The following ROBO1 variants were observed in gnomAD, a reference collection of about 807,000 sequenced individuals.
The protein encoded by ROBO1 is roundabout homolog 1.
A neutral mutation model predicts 195.9 loss-of-function variants in ROBO1; 149 were observed. The ratio of observed to expected loss-of-function variants is 0.76; its 90% CI spans 0.67 to 0.87. The LOEUF (loss-of-function observed/expected upper bound fraction) is 0.87. ROBO1 is among the 40% of genes least tolerant of loss of function. ROBO1 has a pLI of 0.00. For synonymous variants in ROBO1, 816 were observed against 733.2 expected, an observed-to-expected ratio of 1.11 and a Z score of -1.82; for missense variants, 1,933 against 2,068.3, an observed-to-expected ratio of 0.93 and a Z score of 1.27.
At chr3:79,755,387 A>T (rs1029443716) in intron 1 of ROBO1, among the ~76,000 whole-genome samples, 9 of 152,114 alleles carry the variant, frequency 5.9e-5, no homozygotes, top group Non-Finnish European at 1.5e-5. Flanking sequence ...AGTACAACCA[A>T]GTTAGCCCAA....
At chr3:79,659,371 C>T (rs1560076959) in intron 1 of ROBO1, among the ~76,000 whole-genome samples, 1 of 151,894 alleles carries the variant, frequency 6.6e-6, no homozygotes, top group African/African-American at 2.4e-5. Context: ...TGATATAAAT[C>T]GATTCTTAGG....
At chr3:79,468,871 C>T (rs1289098068) in intron 2 of ROBO1, among the ~76,000 whole-genome samples, 1 of 152,096 alleles carries the variant, frequency 6.6e-6, no homozygotes, top group African/African-American at 2.4e-5. Context: ...TAATTTTAGT[C>T]TCTCTTAATT....
chr3:79,568,963 C>T (rs911890268), intron 2 of ROBO1, among the ~76,000 whole-genome samples: 2 of 152,086 alleles, frequency 1.3e-5, no homozygotes, highest in Admixed American at 1.3e-4. Flanking sequence ...ATTCTTTCGA[C>T]AGTATAATAC....
chr3:78,776,593 G>T (rs1052550070), intron 4 of ROBO1, among the ~76,000 whole-genome samples: 1 of 152,158 alleles, frequency 6.6e-6, no homozygotes, highest in African/African-American at 2.4e-5. Context: ...GCCTTTAGTG[G>T]CCTTCGATAT....
At chr3:78,598,953 T>C (rs1379880229) in intron 30 of ROBO1, 26 bp from the exon 31 acceptor site, 1 of 1,491,494 alleles carries the variant, frequency 6.7e-7, no homozygotes, top group East Asian at 2.3e-5. Flanking sequence ...TATTGTCACA[T>C]TTGAAAATAA....
At chr3:78,682,714 T>C (rs1438488190) in intron 10 of ROBO1, among the ~76,000 whole-genome samples, 2 of 147,786 alleles carry the variant, frequency 1.4e-5, no homozygotes, top group African/African-American at 4.9e-5. Flanking sequence ...AAAATATATA[T>C]ATACACAGTC....
At chr3:78,727,019 A>G (rs192583148) in intron 5 of ROBO1, among the ~76,000 whole-genome samples, 1 of 152,282 alleles carries the variant, frequency 6.6e-6, no homozygotes, top group Admixed American at 6.5e-5. Context: ...ATCAGCCTTT[A>G]ATGTTAGACA....
rs866631630 is a variant in ROBO1 at position 79,228,903 on chromosome 3, A to G, written c.89-103364T>C. On this transcript the variant is annotated intron_variant, in intron 2 of 30. Transcript: ENST00000464233. Reference sequence around the variant, plus strand: ...AGAAAAAAAATCAGTTAATAAAAATATCTATTAGATATTCATCACAGTGAA... The same window carrying G: ...AGAAAAAAAATCAGTTAATAAAAATGTCTATTAGATATTCATCACAGTGAA... Among the ~76,000 whole-genome samples, 13 of 152,294 alleles carry G rather than the reference A, an allele frequency of 8.5e-5. No individual in the cohort carries two copies. The Middle Eastern group carries it at 0.014, about 159-fold the overall frequency.
intron 2 of ROBO1, among the ~76,000 whole-genome samples, chr3:79,360,979 T>C (rs2035747137): frequency 6.6e-6 from 1 of 152,098 alleles, no homozygotes; most frequent in Non-Finnish European, 1.5e-5. Flanking sequence ...AGCCTTGGTT[T>C]CTATAGTTTT....
chr3:79,631,255 C>T (rs189919069), intron 1 of ROBO1, among the ~76,000 whole-genome samples: 41 of 151,746 alleles, frequency 2.7e-4, no homozygotes, highest in Non-Finnish European at 4.6e-4. Context: ...GCTGTAGTAA[C>T]GAAAACAGTA....
At chr3:79,093,269 T>C (rs932399099) in intron 3 of ROBO1, among the ~76,000 whole-genome samples, 1 of 152,154 alleles carries the variant, frequency 6.6e-6, no homozygotes, top group Non-Finnish European at 1.5e-5. Flanking sequence ...ACTGTGGAAC[T>C]GAATGTGTGT....
intron 4 of ROBO1, among the ~76,000 whole-genome samples, chr3:78,847,855 GA>G (rs1300776426): frequency 1.3e-5 from 2 of 152,160 alleles, no homozygotes; most frequent in Non-Finnish European, 2.9e-5. Context: ...CAGGTAAAGT[GA>G]AAAGTTAAGA....
chr3:79,117,942 G>T (rs569787328), intron 3 of ROBO1, among the ~76,000 whole-genome samples: 2 of 152,242 alleles, frequency 1.3e-5, no homozygotes, highest in African/African-American at 4.8e-5. Context: ...AAAATTTGTA[G>T]ACTGCCAAAT....
Position 78,600,295 on chromosome 3 carries a change from A to T in ROBO1, c.4759T>A (p.Tyr1587Asn). ...THLIQEDILP[Y>N]CRPTFPTSNN... Reference sequence around the variant, plus strand: ...GATGTTGGAAAAGTAGGTCTACAATAAGGTAGAATATCCTCTGTGTAATGA... The same window carrying T: ...GATGTTGGAAAAGTAGGTCTACAATTAGGTAGAATATCCTCTGTGTAATGA... Residue 1587 changes from tyrosine to asparagine, a missense_variant, in exon 30 of 31, where the codon TAT (tyrosine) becomes AAT (asparagine). Tyr to Asn is a moderately radical substitution (Grantham distance 143, BLOSUM62 -2). Transcript: ENST00000464233. 1 of 1,605,838 alleles carries T rather than the reference A, an allele frequency of 6.2e-7. No homozygotes were observed. The highest frequency in any genetic ancestry group is 8.5e-7 in the Non-Finnish European group (1 of 1,172,662).
At chr3:79,674,511 A>G (rs1946724103) in intron 1 of ROBO1, among the ~76,000 whole-genome samples, 2 of 151,968 alleles carry the variant, frequency 1.3e-5, no homozygotes, top group Admixed American at 1.3e-4. Context: ...CTTATACAGT[A>G]CTGAGGTTTT....
intron 21 of ROBO1, among the ~76,000 whole-genome samples, chr3:78,641,271 G>A (rs1345334711): frequency 6.6e-6 from 1 of 152,142 alleles, no homozygotes; most frequent in African/African-American, 2.4e-5. Flanking sequence ...AAGTGAGTGA[G>A]TGGCAGAGCT....
intron 4 of ROBO1, among the ~76,000 whole-genome samples, chr3:78,758,525 C>CAAAAAAAAAA (rs5850391): frequency 1.2e-5 from 1 of 85,288 alleles, no homozygotes; most frequent in African/African-American, 4.7e-5. Context: ...GACCCTATCT[C>CAAAAAAAAAA]AAAAAAAAAA....
chr3:78,703,532 C>A (rs1210345563), intron 8 of ROBO1, among the ~76,000 whole-genome samples: 1 of 151,968 alleles, frequency 6.6e-6, no homozygotes, highest in African/African-American at 2.4e-5. Context: ...TCCCCATCAG[C>A]CCCCCTAGTC....
chr3:79,645,107 G>A (rs770350367), intron 1 of ROBO1, among the ~76,000 whole-genome samples: 5 of 152,084 alleles, frequency 3.3e-5, no homozygotes, highest in Admixed American at 2.6e-4. Context: ...CATAAAAACA[G>A]TAGAAAGACT....
Sources: gnomAD v4.1 joint callset for allele counts (sites outside exome capture counted in the v4.1 genomes callset) on GRCh38, gnomAD v4.1.1 for gene constraint, MANE v1.5 for transcripts, NCBI Gene and HGNC (gene_info 2026-07-23, HGNC 2026-07-21) for gene names.